The following TDRD3 variants were observed in gnomAD, a reference collection of about 807,000 sequenced individuals.
TDRD3 encodes the protein tudor domain-containing protein 3.
Under a neutral mutation model 86.7 loss-of-function variants are expected in TDRD3, and 45 were observed. The ratio of observed to expected loss-of-function variants is 0.52; its 90% CI spans 0.41 to 0.67. The LOEUF is 0.67. Among genes scored for constraint, TDRD3 ranks in the 30% least tolerant of loss-of-function variants. The pLI, the probability that TDRD3 is intolerant of heterozygous loss-of-function variation, is 0.00. For synonymous variants in TDRD3, 298 were observed against 301.7 expected, an observed-to-expected ratio of 0.99 and a Z score of 0.13; for missense variants, 814 against 889.0, an observed-to-expected ratio of 0.92 and a Z score of 1.07.
chr13:60,427,462 T>G (rs1037543081), intron 1 of TDRD3, among the ~76,000 whole-genome samples: 2 of 152,168 alleles, frequency 1.3e-5, no homozygotes, highest in Non-Finnish European at 2.9e-5. Flanking sequence ...AGCAGCTCCA[T>G]CCTCTTTTCA....
At chr13:60,451,176 GAGA>G (rs765447280) in intron 3 of TDRD3, among the ~76,000 whole-genome samples, 1 of 152,318 alleles carries the variant, frequency 6.6e-6, no homozygotes, top group South Asian at 2.1e-4. Context: ...TTTGGTGGTA[GAGA>G]AGAAGAAAAT....
intron 2 of TDRD3, among the ~76,000 whole-genome samples, 189 bp from the exon 3 acceptor site, chr13:60,444,494 G>A (rs1380333365): frequency 6.6e-6 from 1 of 151,784 alleles, no homozygotes; most frequent in Non-Finnish European, 1.5e-5. Context: ...TCATCTTACT[G>A]GTATACTTTA....
At position 60,498,863 on chromosome 13, in the gene TDRD3, C is replaced by T. The variant is rs545178681; in HGVS notation, c.858+4288C>T. Among the ~76,000 whole-genome samples, 52 of 152,234 alleles carry T rather than the reference C, an allele frequency of 3.4e-4. No individual in the cohort carries two copies. The Middle Eastern group carries it at 0.01, about 30-fold the overall frequency. ...GGGGACCCAAAATGTCACTGTGGTC[C>T]TCCAGTTAAAGTAGGGGCTTATGGA... On this transcript the variant is annotated intron_variant, in intron 8 of 13. Coordinates refer to ENST00000377881, the MANE Select transcript of TDRD3 (RefSeq NM_001146070.2).
In TDRD3 at chr13:60,407,458, TCTC is replaced by T. The variant is rs531350049; in HGVS notation, c.41+10057_41+10059del. Among the ~76,000 whole-genome samples the T allele has an allele frequency of 2.9e-3, 444 of 152,334 alleles. 2 individuals carry two copies. The highest frequency in any genetic ancestry group is 9.5e-3 in the African/African-American group (395 of 41,568). On this transcript the variant is annotated intron_variant, in intron 1 of 13. Transcript: ENST00000377881. The stretch of plus-strand genomic sequence containing the variant: ...AAACAAAATGTTATGAAAAATGTGA[TCTC>T]CTCAGAAATGCAGGAAATAGCCTGT...
intron 1 of TDRD3, among the ~76,000 whole-genome samples, chr13:60,417,424 C>A (rs1299447661): frequency 6.6e-6 from 1 of 151,382 alleles, no homozygotes; most frequent in Non-Finnish European, 1.5e-5. Flanking sequence ...TCACTGCAAC[C>A]TTTGCCTCCT....
chr13:60,462,841 G>A (rs1338501013), intron 4 of TDRD3, among the ~76,000 whole-genome samples: 2 of 152,030 alleles, frequency 1.3e-5, no homozygotes, highest in Non-Finnish European at 2.9e-5. Flanking sequence ...CAAAGCTGGA[G>A]GTATCACGTT....
At chr13:60,465,911 G>A (rs1292068500) in intron 4 of TDRD3, among the ~76,000 whole-genome samples, 1 of 152,084 alleles carries the variant, frequency 6.6e-6, no homozygotes, top group East Asian at 1.9e-4. Context: ...GGCTTGGTGT[G>A]TATGCTTTTA....
At chr13:60,492,721 A>G (rs887546661) in intron 7 of TDRD3, among the ~76,000 whole-genome samples, 1 of 152,160 alleles carries the variant, frequency 6.6e-6, no homozygotes, top group Non-Finnish European at 1.5e-5. Flanking sequence ...AAATTGAATG[A>G]ATCTAGTAAT....
In TDRD3 at chr13:60,572,741, G is replaced by A. The variant is rs147470467; in HGVS notation, c.*10-875G>A. Among the ~76,000 whole-genome samples, 33 of 152,264 alleles carry A rather than the reference G, an allele frequency of 2.2e-4. 2 individuals carry two copies. The East Asian group carries it at 6.0e-3, about 28-fold the overall frequency. On this transcript the variant is annotated intron_variant, in intron 13 of 13. Coordinates refer to ENST00000377881, the MANE Select transcript of TDRD3 (RefSeq NM_001146070.2). ...ATAGCTAAGCATAGACTACTACATAGGTACTGTAAACTTATTTTCAAAGTC... is the reference window on the plus strand; with the variant it reads ...ATAGCTAAGCATAGACTACTACATAAGTACTGTAAACTTATTTTCAAAGTC...
chr13:60,530,399 C>G (rs948011761), intron 11 of TDRD3, among the ~76,000 whole-genome samples: 5 of 151,934 alleles, frequency 3.3e-5, no homozygotes, highest in African/African-American at 7.3e-5. Flanking sequence ...AGCGAAGGGT[C>G]TGGGAGGATG....
intron 10 of TDRD3, among the ~76,000 whole-genome samples, chr13:60,520,166 A>G (rs377145032): frequency 6.6e-6 from 1 of 152,202 alleles, no homozygotes; most frequent in Non-Finnish European, 1.5e-5. Flanking sequence ...GTATCTATAA[A>G]GATTTTAATG....
chr13:60,517,196 T>A (rs963678756), intron 10 of TDRD3, among the ~76,000 whole-genome samples: 19 of 151,954 alleles, frequency 1.3e-4, no homozygotes, highest in Non-Finnish European at 2.5e-4. Flanking sequence ...TTTTTTTTTT[T>A]ATTCAAGTTT....
chr13:60,447,603 A>C (rs1566198126), intron 3 of TDRD3, among the ~76,000 whole-genome samples: 1 of 152,172 alleles, frequency 6.6e-6, no homozygotes. Flanking sequence ...TTCAATAAAT[A>C]AGGTAAGGCA....
chr13:60,410,440 T>G (rs1954335209), intron 1 of TDRD3, among the ~76,000 whole-genome samples: 1 of 152,152 alleles, frequency 6.6e-6, no homozygotes, highest in African/African-American at 2.4e-5. Flanking sequence ...GACGTGTATG[T>G]GTTACTGTTA....
chr13:60,447,160 T>C (rs1297601344), intron 3 of TDRD3, among the ~76,000 whole-genome samples: 2 of 152,190 alleles, frequency 1.3e-5, no homozygotes, highest in African/African-American at 4.8e-5. Context: ...TAAAAACCAA[T>C]GTTCCAAAAA....
intron 1 of TDRD3, among the ~76,000 whole-genome samples, chr13:60,416,210 T>C (rs1023044872): frequency 6.6e-6 from 1 of 152,158 alleles, no homozygotes; most frequent in African/African-American, 2.4e-5. Context: ...TTTCTCTAAG[T>C]GTAAAGTGTA....
At chr13:60,467,694 C>A (rs868032650) in intron 5 of TDRD3, among the ~76,000 whole-genome samples, 1 of 152,162 alleles carries the variant, frequency 6.6e-6, no homozygotes, top group Non-Finnish European at 1.5e-5. Flanking sequence ...AACAAAAGTG[C>A]ATCTATGTGA....
chr13:60,532,940 C>A (rs1186005473), intron 11 of TDRD3, among the ~76,000 whole-genome samples: 2 of 152,018 alleles, frequency 1.3e-5, no homozygotes, highest in Non-Finnish European at 2.9e-5. Context: ...TCCCAATAAA[C>A]CCATCATAAG....
chr13:60,529,861 G>A (rs1957539794), intron 11 of TDRD3, among the ~76,000 whole-genome samples: 1 of 151,988 alleles, frequency 6.6e-6, no homozygotes, highest in African/African-American at 2.4e-5. Context: ...AGAGTGCAGT[G>A]GGTCAAGTAA....
Sources: gnomAD v4.1 joint callset for allele counts (sites outside exome capture counted in the v4.1 genomes callset) on GRCh38, gnomAD v4.1.1 for gene constraint, MANE v1.5 for transcripts, NCBI Gene and HGNC (gene_info 2026-07-23, HGNC 2026-07-21) for gene names.